Variants in ZSCAN30 observed in about 807,000 individuals in gnomAD.
ZSCAN30 encodes zinc finger and SCAN domain-containing protein 30.
In ZSCAN30, 37 loss-of-function variants were observed where a neutral mutation model predicts 44.3. The ratio of observed to expected loss-of-function variants is 0.84; its 90% CI spans 0.64 to 1.10. The LOEUF is 1.10. Among genes scored for constraint, ZSCAN30 ranks in the 50% least tolerant of loss-of-function variants. ZSCAN30 has a pLI of 0.00. For synonymous variants in ZSCAN30, 181 were observed against 204.6 expected (o/e 0.88, Z 0.98); for missense variants, 549 against 582.6 (o/e 0.94, Z 0.59).
rs991113658 is a variant in ZSCAN30, at chr18:35,264,521, T to C, written c.-103-66A>G. 5.5e-6 allele frequency: 4 copies of C among 721,206 alleles called. No individual in the cohort carries two copies. In the Admixed American group the frequency reaches 1.3e-4, roughly 23 times the overall value. The allele number at this position is 721,206 out of a possible 1,614,324, so 44.7% of individuals were successfully genotyped here. ...GTACTTGGAATATAAATACAGGTTT[T>C]TGAAGCCCAGTTGCCAGGGAGCATA... On this transcript the variant is annotated intron_variant, in intron 1 of 3. Transcript: ENST00000333206.
intron 2 of ZSCAN30, 69 bp from the exon 3 acceptor site, chr18:35,263,726 G>C: frequency 6.4e-7 from 1 of 1,565,030 alleles, no homozygotes; most frequent in Non-Finnish European, 8.8e-7. Flanking sequence ...AGAGCAACAG[G>C]GCAGGAACAG....
At chr18:35,288,062 A>G (rs2044584906) in intron 1 of ZSCAN30, among the ~76,000 whole-genome samples, 1 of 152,030 alleles carries the variant, frequency 6.6e-6, no homozygotes, top group African/African-American at 2.4e-5. Flanking sequence ...GGGTGGAGAA[A>G]GGGTGTCACC....
At position 35,253,441 on chromosome 18, in the gene ZSCAN30, C is replaced by A. The variant is rs2043665280; in HGVS notation, c.*9G>T. On this transcript the variant is annotated 3_prime_UTR_variant, in exon 4 of 4. Coordinates refer to ENST00000333206, the MANE Select transcript of ZSCAN30 (RefSeq NM_001112734.4). Reference sequence around the variant, plus strand: ...GCATTTCACAATTGTACAACTCTTACCCACAGAGTTAAACTCTGGTGTGTG... The same window carrying A: ...GCATTTCACAATTGTACAACTCTTAACCACAGAGTTAAACTCTGGTGTGTG... The A allele has an allele frequency of 6.5e-7, 1 of 1,548,724 alleles. No homozygotes were observed. Among genetic ancestry groups the A allele is most frequent in the Non-Finnish European group, 8.7e-7 (1 of 1,146,506 alleles).
At chr18:35,280,447 G>A (rs930142605) in intron 1 of ZSCAN30, among the ~76,000 whole-genome samples, 1 of 151,960 alleles carries the variant, frequency 6.6e-6, no homozygotes, top group African/African-American at 2.4e-5. Flanking sequence ...TTGGCTTTCA[G>A]TTATTTAACA....
chr18:35,253,375 T>A lies in ZSCAN30; in HGVS notation c.*75A>T. On this transcript the variant is annotated 3_prime_UTR_variant, in exon 4 of 4. Transcript: ENST00000333206. ...GACAGAAGTTCTGCTCTCAGGAAAC[T>A]TTTCTTTTCTGTGGAGTCTCACCCC... 7.5e-7 allele frequency: 1 copy of A among 1,336,334 alleles called. No individual in the cohort carries two copies. Among genetic ancestry groups the A allele is most frequent in the South Asian group, 1.6e-5 (1 of 63,670 alleles). 82.8% of individuals were successfully genotyped at this position (1,336,334 alleles called of 1,614,324 possible). A position where few individuals can be genotyped will look rare whatever the true frequency, so the allele number is the denominator to read the frequency against.
Position 35,264,477 on chromosome 18 carries a change from G to A in ZSCAN30, c.-103-22C>T, listed in dbSNP as rs893094612. 10 of 947,002 alleles carry A rather than the reference G, an allele frequency of 1.1e-5. No homozygotes were observed. In the African/African-American group the frequency reaches 1.3e-4, roughly 13 times the overall value. 58.7% of individuals were successfully genotyped at this position (947,002 alleles called of 1,614,324 possible). ...GCTCCTGAGGGTGGACAATGCTCAT[G>A]TTACACAGGGAAAATAATGTACTTG... is the stretch of plus-strand genomic sequence containing the variant. On this transcript the variant is annotated intron_variant, in intron 1 of 3. Transcript: ENST00000333206.
chr18:35,289,436 T>C (rs1191341092), intron 1 of ZSCAN30: 1 of 152,158 alleles, frequency 6.6e-6, no homozygotes, highest in African/African-American at 2.4e-5. Context: ...GGAAGCCCTC[T>C]TCCTCCACCT....
chr18:35,263,546 C>T lies in ZSCAN30; in HGVS notation c.520G>A (p.Glu174Lys), dbSNP rs1248117136. The T allele has an allele frequency of 1.2e-6, 2 of 1,614,050 alleles. No individual in the cohort carries two copies. The highest frequency in any genetic ancestry group is 3.3e-5 in the Admixed American group (2 of 60,002). The change falls in exon 3 of 4, where the codon GAG becomes AAG. Residue 174 changes from glutamate to lysine, a missense_variant. Transcript: ENST00000333206. Reference protein sequence around the residue: ...VQPLENQCKTETQESQAFQER... With the variant: ...VQPLENQCKTKTQESQAFQER... ...TGGAAAGCCTGGGACTCCTGAGTCT[C>T]AGTCTTGCACTGGTTCTCTAAGGGC...
intron 3 of ZSCAN30, chr18:35,259,018 TAAGG>T (rs900070477): frequency 2.6e-5 from 4 of 152,178 alleles, no homozygotes; most frequent in African/African-American, 7.4e-5. Context: ...CATATGGACA[TAAGG>T]AAGAATTTTA....
rs1268670695 is a variant in ZSCAN30, at chr18:35,253,604, T to C, written c.1331A>G (p.Asn444Ser). The C allele has an allele frequency of 2.5e-6, 4 of 1,613,838 alleles. No homozygotes were observed. The highest frequency in any genetic ancestry group is 3.4e-6 in the Non-Finnish European group (4 of 1,179,930). ...IHTGEKPYECNECGKSFNQSS... is the reference protein window; with the variant it reads ...IHTGEKPYECSECGKSFNQSS... ...CTGATTGAAGGATTTTCCACATTCA[T>C]TACATTCATAAGGTTTCTCTCCAGT... The change falls in exon 4 of 4, where the codon AAT becomes AGT. Residue 444 changes from asparagine to serine, a missense_variant. Asn to Ser is a conservative substitution (Grantham distance 46, BLOSUM62 1). Coordinates refer to ENST00000333206, the MANE Select transcript of ZSCAN30 (RefSeq NM_001112734.4).
At chr18:35,254,783 C>A (rs2043738492) in intron 3 of ZSCAN30, among the ~76,000 whole-genome samples, 1 of 152,072 alleles carries the variant, frequency 6.6e-6, no homozygotes, top group African/African-American at 2.4e-5. Flanking sequence ...ATCTAAGAGT[C>A]TTAAATCTGT....
rs1322897374 is a variant in ZSCAN30, at chr18:35,252,059, C to T, written c.*1391G>A. On this transcript the variant is annotated 3_prime_UTR_variant, in exon 4 of 4. Transcript: ENST00000333206. ...CAATGGCATGAAGATAAGATAGGAT[C>T]TGGAGACAGCCCATCATCAGGACTC... The T allele has an allele frequency of 6.6e-6, 1 of 152,136 alleles. No individual in the cohort carries two copies. Among genetic ancestry groups the T allele is most frequent in the African/African-American group, 2.4e-5 (1 of 41,416 alleles). The allele number at this position is 152,136 out of a possible 1,614,324, so 9.4% of individuals were successfully genotyped here.
At chr18:35,269,160 G>C (rs1447367845) in intron 1 of ZSCAN30, 2 of 152,234 alleles carry the variant, frequency 1.3e-5, no homozygotes, top group Non-Finnish European at 2.9e-5. Context: ...GACTTCAAGT[G>C]ATGTTCTGTA....
intron 1 of ZSCAN30, among the ~76,000 whole-genome samples, chr18:35,266,165 A>C (rs1270536315): frequency 1.3e-5 from 2 of 152,206 alleles, no homozygotes; most frequent in African/African-American, 4.8e-5. Flanking sequence ...AAGTGCCACA[A>C]GAGCTTCTGA....
chr18:35,271,591 C>G (rs944457204), intron 1 of ZSCAN30, among the ~76,000 whole-genome samples: 3 of 152,256 alleles, frequency 2.0e-5, no homozygotes, highest in African/African-American at 4.8e-5. Context: ...CTGGCTTTGC[C>G]TAGTGGAACC....
In ZSCAN30 at chr18:35,254,200, G is replaced by T. The variant is rs766607838; in HGVS notation, c.735C>A (p.Asn245Lys). Residue 245 changes from asparagine to lysine, a missense_variant, in exon 4 of 4, where the codon AAC (asparagine) becomes AAA (lysine). Physicochemically the swap from Asn to Lys is moderately conservative, Grantham distance 94. Coordinates refer to ENST00000333206, the MANE Select transcript of ZSCAN30 (RefSeq NM_001112734.4). Reference protein sequence around the residue: ...SKKQKGNAAGNKISQLPSQDR... With the variant: ...SKKQKGNAAGKKISQLPSQDR... ...CCTGGGAAGGAAGCTGACTGATTTT[G>T]TTCCCTGCAGCATTTCCCTTTTGCT... The T allele has an allele frequency of 1.9e-6, 3 of 1,614,128 alleles. No individual in the cohort carries two copies. The highest frequency in any genetic ancestry group is 2.5e-6 in the Non-Finnish European group (3 of 1,180,010).
At chr18:35,256,497 G>T (rs1178407496) in intron 3 of ZSCAN30, among the ~76,000 whole-genome samples, 6 of 151,924 alleles carry the variant, frequency 3.9e-5, no homozygotes, top group African/African-American at 1.2e-4. Context: ...GGACGTGGAG[G>T]TTGCAGTGAA....
chr18:35,271,031 T>C (rs760330967), intron 1 of ZSCAN30, among the ~76,000 whole-genome samples: 64 of 152,318 alleles, frequency 4.2e-4, no homozygotes, highest in Non-Finnish European at 7.8e-4. Context: ...GTGGTCTTGC[T>C]AGCCTCAGGA....
intron 1 of ZSCAN30, among the ~76,000 whole-genome samples, chr18:35,288,401 T>C (rs2044591165): frequency 6.6e-6 from 1 of 152,158 alleles, no homozygotes; most frequent in African/African-American, 2.4e-5. Flanking sequence ...TGCAAAATGA[T>C]ACAGCCACTC....
Sources: gnomAD v4.1 joint callset for allele counts (sites outside exome capture counted in the v4.1 genomes callset) on GRCh38, gnomAD v4.1.1 for gene constraint, MANE v1.5 for transcripts, NCBI Gene and HGNC (gene_info 2026-07-23, HGNC 2026-07-21) for gene names.